Variants in PRICKLE2 observed in about 807,000 individuals in gnomAD.
PRICKLE2 encodes prickle-like protein 2.
In PRICKLE2, 21 loss-of-function variants were observed where a neutral mutation model predicts 81.4. That is an observed-to-expected ratio of 0.26 (90% CI 0.18 to 0.37). PRICKLE2 has a LOEUF of 0.37. PRICKLE2 is among the 10% of genes least tolerant of loss of function. The pLI is 1.00. For synonymous variants in PRICKLE2, 456 were observed against 421.5 expected, an observed-to-expected ratio of 1.08 and a Z score of -1.00; for missense variants, 940 against 1,109.0, an observed-to-expected ratio of 0.85 and a Z score of 2.16.
chr3:64,233,967 T>C (rs1257057821), intron 2 of PRICKLE2, among the ~76,000 whole-genome samples: 1 of 152,192 alleles, frequency 6.6e-6, no homozygotes, highest in African/African-American at 2.4e-5. Flanking sequence ...TCACCTAGTG[T>C]ATTTTTGGTT....
rs1559552032 is a variant in PRICKLE2, at chr3:64,165,997, TGTGTGTGTGTG to T, written c.145-2879_145-2869del. ...GTGTGTGTGTGTGTGTGTGTGTGTG[TGTGTGTGTGTG>T]TGTGTGTTTTGTTTTGTTTTTGTTT... On this transcript the variant is annotated intron_variant, in intron 2 of 7. Coordinates refer to ENST00000638394, the MANE Select transcript of PRICKLE2 (RefSeq NM_198859.4). 9.2e-4 allele frequency among the ~76,000 whole-genome samples: 132 copies of T among 144,014 alleles called. 2 individuals carry two copies. Among genetic ancestry groups the T allele is most frequent in the Non-Finnish European group, 8.4e-4 (56 of 66,562 alleles). 94.5% of individuals were successfully genotyped at this position (144,014 alleles called of 152,430 possible). A position where few individuals can be genotyped will look rare whatever the true frequency, so the allele number is the denominator to read the frequency against.
intron 2 of PRICKLE2, among the ~76,000 whole-genome samples, chr3:64,243,643 T>G (rs1483291395): frequency 1.3e-5 from 2 of 152,192 alleles, no homozygotes; most frequent in Non-Finnish European, 2.9e-5. Flanking sequence ...ATAATAGTAT[T>G]CTGAGGATTA....
chr3:64,168,233 C>T (rs141225363), intron 2 of PRICKLE2, among the ~76,000 whole-genome samples: 2 of 152,048 alleles, frequency 1.3e-5, no homozygotes, highest in South Asian at 2.1e-4. Flanking sequence ...CTTTCTTGGC[C>T]GATTTCAGAA....
chr3:64,144,872 G>A (rs1464897692), intron 7 of PRICKLE2, among the ~76,000 whole-genome samples: 2 of 152,054 alleles, frequency 1.3e-5, no homozygotes, highest in African/African-American at 2.4e-5. Flanking sequence ...CCGCAACATC[G>A]AACTGCTATA....
intron 1 of PRICKLE2, among the ~76,000 whole-genome samples, chr3:64,220,705 AT>A (rs1167300318): frequency 6.6e-6 from 1 of 151,994 alleles, no homozygotes; most frequent in Non-Finnish European, 1.5e-5. Flanking sequence ...GCCAGCCCTG[AT>A]TTTCTTCATG....
intron 7 of PRICKLE2, among the ~76,000 whole-genome samples, chr3:64,112,787 T>C (rs534257508): frequency 6.6e-6 from 1 of 152,198 alleles, no homozygotes; most frequent in Non-Finnish European, 1.5e-5. Flanking sequence ...ATACAGAATC[T>C]ATAAAGAACT....
At chr3:64,232,521 G>A (rs1473740646) in intron 2 of PRICKLE2, among the ~76,000 whole-genome samples, 1 of 142,864 alleles carries the variant, frequency 7.0e-6, no homozygotes, top group Non-Finnish European at 1.6e-5. Context: ...ACATTCTCCT[G>A]CTTTCCCTCC....
intron 1 of PRICKLE2, among the ~76,000 whole-genome samples, chr3:64,220,064 A>G (rs1402413531): frequency 6.6e-6 from 1 of 152,222 alleles, no homozygotes; most frequent in Non-Finnish European, 1.5e-5. Flanking sequence ...ACACATAGAC[A>G]CCCAAAACAT....
At chr3:64,207,163 G>T (rs1014522935) in intron 1 of PRICKLE2, among the ~76,000 whole-genome samples, 1 of 152,124 alleles carries the variant, frequency 6.6e-6, no homozygotes, top group Non-Finnish European at 1.5e-5. Context: ...GCCTTCCAAA[G>T]TGCTGGGATT....
intron 7 of PRICKLE2, among the ~76,000 whole-genome samples, chr3:64,134,215 G>C (rs533085559): frequency 2.0e-5 from 3 of 152,166 alleles, no homozygotes; most frequent in Non-Finnish European, 4.4e-5. Flanking sequence ...GAGGTGGTAC[G>C]GTTTCAACCA....
In PRICKLE2 at chr3:64,247,828, G is replaced by A. The variant is rs571749135; in HGVS notation, c.129-48861C>T. ...TTAATTTAATTAGGAGTTATAGCATGGAATTTCATTTTCTAATGGGCCTCA... is the reference window on the plus strand; with the variant it reads ...TTAATTTAATTAGGAGTTATAGCATAGAATTTCATTTTCTAATGGGCCTCA... On this transcript the variant is annotated intron_variant, in intron 2 of 8. Transcript: ENST00000295902. 2.8e-4 allele frequency among the ~76,000 whole-genome samples: 42 copies of A among 152,238 alleles called. No homozygotes were observed. The South Asian group carries it at 6.4e-3, about 23-fold the overall frequency.
chr3:64,239,631 T>C (rs1233373200), intron 2 of PRICKLE2, among the ~76,000 whole-genome samples: 8 of 152,056 alleles, frequency 5.3e-5, no homozygotes. Context: ...AAGCCAGATT[T>C]ATAGGTGACA....
chr3:64,251,163 G>C (rs966368017), intron 2 of PRICKLE2, among the ~76,000 whole-genome samples: 1 of 152,198 alleles, frequency 6.6e-6, no homozygotes, highest in Non-Finnish European at 1.5e-5. Context: ...CCCAGTCTGA[G>C]GGAGGCTGGT....
intron 7 of PRICKLE2, among the ~76,000 whole-genome samples, chr3:64,126,230 A>C (rs941831587): frequency 2.0e-5 from 3 of 152,204 alleles, no homozygotes; most frequent in African/African-American, 4.8e-5. Context: ...TGGGACAAGA[A>C]TTTTTAGCCC....
At chr3:64,220,510 G>A (rs886447134) in intron 1 of PRICKLE2, among the ~76,000 whole-genome samples, 1 of 152,262 alleles carries the variant, frequency 6.6e-6, no homozygotes, top group Non-Finnish European at 1.5e-5. Flanking sequence ...CTCCTGTGCT[G>A]CCTTCAGTGC....
intron 6 of PRICKLE2, among the ~76,000 whole-genome samples, chr3:64,149,156 G>C (rs2077504058): frequency 2.0e-5 from 3 of 152,144 alleles, no homozygotes; most frequent in Admixed American, 2.0e-4. Context: ...ACAGCCCCAG[G>C]GGTTCTGCCT....
At chr3:64,203,077 G>A (rs2078617897) in intron 1 of PRICKLE2, among the ~76,000 whole-genome samples, 1 of 152,160 alleles carries the variant, frequency 6.6e-6, no homozygotes, top group Non-Finnish European at 1.5e-5. Context: ...ACATAAAAAT[G>A]TACTTGAAGA....
chr3:64,143,549 A>G (rs1030818956), intron 7 of PRICKLE2, among the ~76,000 whole-genome samples: 3 of 152,088 alleles, frequency 2.0e-5, no homozygotes, highest in Admixed American at 6.5e-5. Context: ...AGCCCTTCTG[A>G]TTTCCTCATG....
chr3:64,156,092 C>G (rs1362814935), intron 5 of PRICKLE2, among the ~76,000 whole-genome samples: 1 of 152,174 alleles, frequency 6.6e-6, no homozygotes, highest in Non-Finnish European at 1.5e-5. Flanking sequence ...CAACACAAAG[C>G]TGTATTCTGA....
Sources: allele counts gnomAD v4.1 joint callset (sites outside exome capture counted in the v4.1 genomes callset), GRCh38; gene constraint gnomAD v4.1.1; transcripts MANE v1.5; gene names NCBI Gene and HGNC (gene_info 2026-07-23, HGNC 2026-07-21).